Variants in GCH1 observed in about 807,000 individuals in gnomAD.
The protein encoded by GCH1 is GTP cyclohydrolase I.
Under a neutral mutation model 25.9 loss-of-function variants are expected in GCH1, and 5 were observed. That is an observed-to-expected ratio of 0.19 (90% CI 0.10 to 0.41). The LOEUF is 0.41. Among genes scored for constraint, GCH1 ranks in the 10% least tolerant of loss-of-function variants. The pLI is 1.00. For synonymous variants in GCH1, 159 were observed against 129.6 expected, an observed-to-expected ratio of 1.23 and a Z score of -1.54; for missense variants, 261 against 336.5, an observed-to-expected ratio of 0.78 and a Z score of 1.75.
chr14:54,869,439 T>C (rs372589711), intron 1 of GCH1, among the ~76,000 whole-genome samples: 4 of 152,192 alleles, frequency 2.6e-5, no homozygotes, highest in East Asian at 3.8e-4. Flanking sequence ...CTCTCTACTA[T>C]CTTTATAATT....
At chr14:54,894,439 C>G (rs1003336276) in intron 1 of GCH1, among the ~76,000 whole-genome samples, 2 of 152,078 alleles carry the variant, frequency 1.3e-5, no homozygotes, top group African/African-American at 4.8e-5. Flanking sequence ...TCTGCTGACC[C>G]CTTGATTTTG....
intron 3 of GCH1, among the ~76,000 whole-genome samples, chr14:54,855,103 G>C (rs1178902591): frequency 6.6e-6 from 1 of 152,156 alleles, no homozygotes. Flanking sequence ...GCAAATACTG[G>C]TTAAATGAAT....
chr14:54,870,728 C>G (rs958932309), intron 1 of GCH1, among the ~76,000 whole-genome samples: 7 of 152,218 alleles, frequency 4.6e-5, no homozygotes, highest in African/African-American at 7.2e-5. Context: ...GAGGGTCCTA[C>G]TCCCACAGAT....
At chr14:54,896,797 G>A (rs1037784538) in intron 1 of GCH1, among the ~76,000 whole-genome samples, 1 of 151,162 alleles carries the variant, frequency 6.6e-6, no homozygotes, top group African/African-American at 2.4e-5. Flanking sequence ...GCGGGCGCCT[G>A]TAATCCCAGC....
At position 54,843,815 on chromosome 14, in the gene GCH1, A is replaced by T; in HGVS notation, c.*202T>A. ...CAGTTCACTTTAATATTGCCACAAA[A>T]AGGTGGCAAGAAGAAAGTAGAGGGC... On this transcript the variant is annotated 3_prime_UTR_variant, in exon 6 of 6. Transcript: ENST00000491895. 6.2e-7 allele frequency: 1 copy of T among 1,613,306 alleles called. No homozygotes were observed. Among genetic ancestry groups the T allele is most frequent in the South Asian group, 1.1e-5 (1 of 91,048 alleles).
intron 1 of GCH1, 88 bp from the exon 2 acceptor site, chr14:54,865,524 C>T (rs934119172): frequency 2.6e-5 from 19 of 720,398 alleles, no homozygotes; most frequent in East Asian, 1.9e-4. Flanking sequence ...TCAACATAAA[C>T]GAACGTTAAT....
intron 1 of GCH1, among the ~76,000 whole-genome samples, chr14:54,896,935 A>G (rs1387091064): frequency 6.6e-6 from 1 of 150,936 alleles, no homozygotes; most frequent in African/African-American, 2.4e-5. Context: ...AAAAAAAACA[A>G]AAGAAGAAGT....
chr14:54,846,102 G>A (rs967899965), intron 4 of GCH1, among the ~76,000 whole-genome samples: 1 of 152,172 alleles, frequency 6.6e-6, no homozygotes, highest in African/African-American at 2.4e-5. Context: ...ATCACTGCGG[G>A]AAGGAATTAG....
chr14:54,849,336 G>C (rs1336993406), intron 3 of GCH1, among the ~76,000 whole-genome samples: 1 of 149,490 alleles, frequency 6.7e-6, no homozygotes, highest in Admixed American at 6.6e-5. Context: ...AGCTTCCCTA[G>C]ATTAAAAAAA....
chr14:54,901,528 A>T (rs996592145), intron 1 of GCH1, among the ~76,000 whole-genome samples: 2 of 150,656 alleles, frequency 1.3e-5, no homozygotes, highest in Non-Finnish European at 3.0e-5. Context: ...CACCGGGTCA[A>T]CCCGGCTTTA....
At chr14:54,856,027 G>A (rs374794259) in intron 3 of GCH1, among the ~76,000 whole-genome samples, 12 of 150,772 alleles carry the variant, frequency 8.0e-5, no homozygotes, top group African/African-American at 2.0e-4. Flanking sequence ...AGTCAAAAAA[G>A]AAAAAAAAAT....
intron 2 of GCH1, among the ~76,000 whole-genome samples, chr14:54,861,439 C>A (rs2039894922): frequency 6.6e-6 from 1 of 152,020 alleles, no homozygotes; most frequent in Non-Finnish European, 1.5e-5. Flanking sequence ...GTCCATTTCA[C>A]AAAATCACTA....
chr14:54,843,869 C>T lies in GCH1; in HGVS notation c.*148G>A. On this transcript the variant is annotated 3_prime_UTR_variant, in exon 6 of 6. Coordinates refer to ENST00000491895, the MANE Select transcript of GCH1 (RefSeq NM_000161.3). ...ACCCTTTATTATATTTATTTGACTT[C>T]CTAGAAATAATTTTAAATATAATTA... is the stretch of plus-strand genomic sequence containing the variant. The T allele has an allele frequency of 1.9e-6, 3 of 1,609,696 alleles. No homozygotes were observed. The highest frequency in any genetic ancestry group is 2.5e-6 in the Non-Finnish European group (3 of 1,176,822).
At chr14:54,897,442 C>A (rs944457508) in intron 1 of GCH1, among the ~76,000 whole-genome samples, 1 of 152,058 alleles carries the variant, frequency 6.6e-6, no homozygotes, top group Non-Finnish European at 1.5e-5. Context: ...GCATGCACCA[C>A]CACACCTGGC....
intron 1 of GCH1, among the ~76,000 whole-genome samples, chr14:54,875,017 C>T (rs2040137405): frequency 6.6e-6 from 1 of 152,118 alleles, no homozygotes. Flanking sequence ...ATTGCCAAGT[C>T]AATCCTAAGC....
chr14:54,861,654 C>T (rs1202988463), intron 2 of GCH1, among the ~76,000 whole-genome samples: 2 of 149,986 alleles, frequency 1.3e-5, no homozygotes, highest in Admixed American at 6.7e-5. Context: ...ACCTGGGAGG[C>T]GGAGGTTGCA....
In GCH1 at chr14:54,843,471, G is replaced by A; in HGVS notation, c.*546C>T. 1 of 1,241,046 alleles carries A rather than the reference G, an allele frequency of 8.1e-7. No individual in the cohort carries two copies. Among genetic ancestry groups the A allele is most frequent in the Non-Finnish European group, 1.0e-6 (1 of 990,686 alleles). 76.9% of individuals were successfully genotyped at this position (1,241,046 alleles called of 1,614,324 possible). Reference sequence around the variant, plus strand: ...ATAGACATTCCACCACCTTCCCTTGGTGACTAACATTACGACTGCTAAAAA... The same window carrying A: ...ATAGACATTCCACCACCTTCCCTTGATGACTAACATTACGACTGCTAAAAA... On this transcript the variant is annotated 3_prime_UTR_variant, in exon 6 of 6. Transcript: ENST00000491895.
Position 54,902,322 on chromosome 14 carries a change from T to A in GCH1, c.342A>T (p.Ser114=). 1.9e-6 allele frequency: 3 copies of A among 1,611,662 alleles called. No homozygotes were observed. Among genetic ancestry groups the A allele is most frequent in the Non-Finnish European group, 2.5e-6 (3 of 1,179,278 alleles). Residue 114 remains serine, a splice_region_variant and synonymous_variant, in exon 1 of 6, where the codon TCA becomes TCT. Transcript: ENST00000491895. ...CTAGCAGCCCGCGGGCGCACTGACC[T>A]GAGATGGTCTCCTGGTAGCCCTTGG... ...FFTKGYQETI[S]DVLNDAIFDE...
chr14:54,880,844 AC>A (rs2040260289), intron 1 of GCH1, among the ~76,000 whole-genome samples: 1 of 94,814 alleles, frequency 1.1e-5, no homozygotes, highest in African/African-American at 6.6e-5. Context: ...ATATATATAT[AC>A]TCCATATATA....
Sources: allele counts gnomAD v4.1 joint callset (sites outside exome capture counted in the v4.1 genomes callset), GRCh38; gene constraint gnomAD v4.1.1; transcripts MANE v1.5; gene names NCBI Gene and HGNC (gene_info 2026-07-23, HGNC 2026-07-21).